Variants in CSMD3 observed in about 807,000 individuals in gnomAD.
CSMD3 encodes CUB and Sushi multiple domains 3.
In CSMD3, 177 loss-of-function variants were observed where a neutral mutation model predicts 435.2. The ratio of observed to expected loss-of-function variants is 0.41; its 90% CI spans 0.36 to 0.46. CSMD3 has a LOEUF of 0.46. Among genes scored for constraint, CSMD3 ranks in the 20% least tolerant of loss-of-function variants. The pLI is 0.34. For synonymous variants in CSMD3, 1,656 were observed against 1,520.5 expected, an observed-to-expected ratio of 1.09 and a Z score of -2.07; for missense variants, 4,265 against 4,504.6, an observed-to-expected ratio of 0.95 and a Z score of 1.52.
rs143078179 is a variant in CSMD3, at chr8:112,628,386, CTTGGTTGG to C, written c.3715+8423_3715+8430del. Among the ~76,000 whole-genome samples, 223 of 150,450 alleles carry C rather than the reference CTTGGTTGG, an allele frequency of 1.5e-3. 1 individual carries two copies. The highest frequency in any genetic ancestry group is 8.0e-3 in the South Asian group (38 of 4,742). On this transcript the variant is annotated intron_variant, in intron 22 of 70. Coordinates refer to ENST00000297405, the MANE Select transcript of CSMD3 (RefSeq NM_198123.2). ...GTAGTCTTTTCAGGCATCTTAATTA[CTTGGTTGG>C]TTGGTTGGTTGGTTGGTTGGTTGGT...
At chr8:112,479,070 T>C (rs1406382787) in intron 31 of CSMD3, among the ~76,000 whole-genome samples, 1 of 152,104 alleles carries the variant, frequency 6.6e-6, no homozygotes, top group East Asian at 1.9e-4. Flanking sequence ...ATATCCTCCT[T>C]CTTGGGTTCA....
intron 1 of CSMD3, among the ~76,000 whole-genome samples, chr8:113,324,671 C>T (rs1435201351): frequency 6.6e-6 from 1 of 152,192 alleles, no homozygotes; most frequent in East Asian, 1.9e-4. Context: ...AGTCCCCACA[C>T]AGCGCTCCTA....
intron 36 of CSMD3, among the ~76,000 whole-genome samples, chr8:112,387,966 G>A (rs1409672398): frequency 1.3e-5 from 2 of 152,186 alleles, no homozygotes; most frequent in East Asian, 3.8e-4. Flanking sequence ...GTCCTCATGA[G>A]CTTACAGATA....
rs1361481753 is a variant in CSMD3 at position 112,667,601 on chromosome 8, G to T, written c.2678-1186C>A. On this transcript the variant is annotated intron_variant, in intron 16 of 70. Coordinates refer to ENST00000297405, the MANE Select transcript of CSMD3 (RefSeq NM_198123.2). ...GACAACTTTCTGTGTTTCCTGATAAGGCTCTGTGGGATCTAGCTGTTGCTT... is the reference window on the plus strand; with the variant it reads ...GACAACTTTCTGTGTTTCCTGATAATGCTCTGTGGGATCTAGCTGTTGCTT... Among the ~76,000 whole-genome samples the T allele has an allele frequency of 3.3e-5, 5 of 151,750 alleles. No individual in the cohort carries two copies. In the East Asian group the frequency reaches 5.8e-4, roughly 18 times the overall value.
At chr8:112,483,464 C>T (rs1445368402) in intron 31 of CSMD3, among the ~76,000 whole-genome samples, 4 of 152,100 alleles carry the variant, frequency 2.6e-5, no homozygotes, top group African/African-American at 9.6e-5. Context: ...ACCTAGGCAA[C>T]AGAGTGAGAC....
At chr8:113,369,844 A>G (rs1330119024) in intron 1 of CSMD3, among the ~76,000 whole-genome samples, 2 of 151,894 alleles carry the variant, frequency 1.3e-5, no homozygotes, top group Non-Finnish European at 2.9e-5. Context: ...TCACATGTAG[A>G]ATCAAAAAAA....
intron 32 of CSMD3, among the ~76,000 whole-genome samples, chr8:112,416,370 T>G (rs777452813): frequency 6.6e-6 from 1 of 152,310 alleles, no homozygotes; most frequent in South Asian, 2.1e-4. Flanking sequence ...TTTCCTGAGG[T>G]TTCTCAAGCT....
At chr8:112,475,685 T>G (rs2065486700) in intron 31 of CSMD3, among the ~76,000 whole-genome samples, 1 of 152,146 alleles carries the variant, frequency 6.6e-6, no homozygotes, top group Non-Finnish European at 1.5e-5. Context: ...ACCTAATATT[T>G]ATATAAATGG....
chr8:112,324,433 T>A (rs1382729319), intron 45 of CSMD3, among the ~76,000 whole-genome samples: 1 of 152,098 alleles, frequency 6.6e-6, no homozygotes, highest in East Asian at 1.9e-4. Flanking sequence ...TGAGCTCCTA[T>A]GATCTGCCAG....
intron 38 of CSMD3, among the ~76,000 whole-genome samples, chr8:112,367,157 G>A: frequency 6.6e-6 from 1 of 152,046 alleles, no homozygotes; most frequent in Non-Finnish European, 1.5e-5. Flanking sequence ...TAAAATATAT[G>A]TATATAATAA....
chr8:112,680,141 G>C (rs1362478289), intron 16 of CSMD3, among the ~76,000 whole-genome samples: 1 of 152,164 alleles, frequency 6.6e-6, no homozygotes, highest in African/African-American at 2.4e-5. Context: ...GATGACCTGA[G>C]GTCAGGAGTT....
chr8:112,959,459 T>A (rs1006793890), intron 7 of CSMD3, among the ~76,000 whole-genome samples: 1 of 151,912 alleles, frequency 6.6e-6, no homozygotes, highest in Non-Finnish European at 1.5e-5. Flanking sequence ...TTCAATCATA[T>A]CATAATTCTT....
chr8:112,771,043 C>G (rs914233387), intron 13 of CSMD3, among the ~76,000 whole-genome samples: 1 of 151,926 alleles, frequency 6.6e-6, no homozygotes, highest in Non-Finnish European at 1.5e-5. Context: ...TAAATAAAAT[C>G]AAGGATGAAA....
chr8:112,951,836 CAAT>C (rs1421324672), intron 8 of CSMD3, among the ~76,000 whole-genome samples: 1 of 150,778 alleles, frequency 6.6e-6, no homozygotes, highest in African/African-American at 2.4e-5. Context: ...CATAATTCCA[CAAT>C]AATATTCTAG....
intron 5 of CSMD3, among the ~76,000 whole-genome samples, chr8:113,097,388 T>C (rs563241338): frequency 6.6e-6 from 1 of 152,064 alleles, no homozygotes; most frequent in Non-Finnish European, 1.5e-5. Flanking sequence ...TTTCTTCCCT[T>C]GTCTGCATGA....
At chr8:113,019,201 CA>C (rs1352084559) in intron 5 of CSMD3, 22 bp from the exon 6 acceptor site, 1 of 1,524,884 alleles carries the variant, frequency 6.6e-7, no homozygotes, top group Non-Finnish European at 9.1e-7. Flanking sequence ...AAGACAACAA[CA>C]AAAAAATTTA....
chr8:112,452,323 G>T (rs1816374693), intron 32 of CSMD3, among the ~76,000 whole-genome samples: 2 of 152,162 alleles, frequency 1.3e-5, no homozygotes, highest in Admixed American at 6.6e-5. Context: ...AACACACAGT[G>T]TCCTGAAAAT....
intron 58 of CSMD3, among the ~76,000 whole-genome samples, chr8:112,282,458 C>A (rs574230150): frequency 2.4e-4 from 36 of 152,166 alleles, no homozygotes; most frequent in African/African-American, 8.4e-4. Context: ...TGTTATATAT[C>A]ATGATCCATA....
intron 10 of CSMD3, among the ~76,000 whole-genome samples, chr8:112,905,316 A>ATATG (rs5894118): frequency 6.2e-4 from 37 of 59,896 alleles, no homozygotes; most frequent in East Asian, 3.3e-3. Context: ...GTATATATAT[A>ATATG]TATATACACA....
Sources: allele counts gnomAD v4.1 joint callset (sites outside exome capture counted in the v4.1 genomes callset), GRCh38; gene constraint gnomAD v4.1.1; transcripts MANE v1.5; gene names NCBI Gene and HGNC (gene_info 2026-07-23, HGNC 2026-07-21).